SKIC2: variants seen among roughly 807,000 people sequenced by gnomAD.
The protein encoded by SKIC2 is superkiller complex protein 2.
chr6:31,968,996 C>G, the SKIC2 span: 1 of 1,612,846 alleles, frequency 6.2e-7, no homozygotes, highest in African/African-American at 1.3e-5. This position sits in a 1 kb window ranked among gnomAD's most constrained non-coding sequence, Gnocchi z 6.1. Context: ...CACTGAGCAC[C>G]CTGCGGCCTG....
chr6:31,968,043 T>C, the SKIC2 span: 16 of 1,612,828 alleles, frequency 9.9e-6, no homozygotes, highest in Non-Finnish European at 1.4e-5. The surrounding 1 kb of genome is among the most constrained non-coding windows in gnomAD (Gnocchi z 6.1). Flanking sequence ...GGGGAGAAGA[T>C]CTTGGAGGAC....
the SKIC2 span, chr6:31,959,395 A>G: frequency 6.2e-7 from 1 of 1,609,730 alleles, no homozygotes; most frequent in Non-Finnish European, 8.5e-7. Context: ...AGCTCCAGAG[A>G]GTAGCGTGAG....
the SKIC2 span, chr6:31,963,337 G>A: frequency 7.4e-7 from 1 of 1,353,966 alleles, no homozygotes; most frequent in Non-Finnish European, 1.0e-6. This position sits in a 1 kb window ranked among gnomAD's most constrained non-coding sequence, Gnocchi z 5.3. Context: ...AAAGTTGGAG[G>A]GGTAGGGAAG....
chr6:31,968,576 G>T, the SKIC2 span: 1 of 1,578,046 alleles, frequency 6.3e-7, no homozygotes. The surrounding 1 kb of genome is among the most constrained non-coding windows in gnomAD (Gnocchi z 6.1). Flanking sequence ...CTGGGAGTAG[G>T]GGCTTTTCCT....
At chr6:31,968,476 C>T in the SKIC2 span, 44 of 1,612,880 alleles carry the variant, frequency 2.7e-5, no homozygotes, top group South Asian at 5.5e-5. The surrounding 1 kb of genome is among the most constrained non-coding windows in gnomAD (Gnocchi z 6.1). Context: ...GCTCCGGGCC[C>T]GGAAGCTGGA....
the SKIC2 span, chr6:31,963,756 A>G: frequency 5.9e-5 from 90 of 1,526,838 alleles, no homozygotes; most frequent in South Asian, 8.8e-5. The surrounding 1 kb of genome is among the most constrained non-coding windows in gnomAD (Gnocchi z 5.3). Flanking sequence ...AGGGTTTTGT[A>G]CCTGCCAGCA....
chr6:31,964,045 A>G, the SKIC2 span: 1 of 1,612,660 alleles, frequency 6.2e-7, no homozygotes, highest in Non-Finnish European at 8.5e-7. The surrounding 1 kb of genome is among the most constrained non-coding windows in gnomAD (Gnocchi z 5.0). Context: ...CCTCACCACC[A>G]GTTCGGAGAA....
chr6:31,967,112 G>C, the SKIC2 span: 2 of 1,612,202 alleles, frequency 1.2e-6, no homozygotes, highest in South Asian at 2.2e-5. The surrounding 1 kb of genome is among the most constrained non-coding windows in gnomAD (Gnocchi z 4.9). Context: ...CTGGGGGGAG[G>C]AACTGACAGA....
the SKIC2 span, chr6:31,963,472 A>T: frequency 6.2e-7 from 1 of 1,611,832 alleles, no homozygotes; most frequent in Non-Finnish European, 8.5e-7. The surrounding 1 kb of genome is among the most constrained non-coding windows in gnomAD (Gnocchi z 5.3). Flanking sequence ...GTGCCCCTGG[A>T]GCACTATCTT....
chr6:31,962,192 G>A, the SKIC2 span: 1 of 973,900 alleles, frequency 1.0e-6, no homozygotes, highest in African/African-American at 1.6e-5. This position sits in a 1 kb window ranked among gnomAD's most constrained non-coding sequence, Gnocchi z 5.0. Context: ...TGAGACAAGA[G>A]CCCAGAGAGA....
the SKIC2 span, chr6:31,962,358 T>C: frequency 4.1e-6 from 6 of 1,478,888 alleles, no homozygotes; most frequent in Non-Finnish European, 5.7e-6. The surrounding 1 kb of genome is among the most constrained non-coding windows in gnomAD (Gnocchi z 5.0). Context: ...GGGGCATGCT[T>C]CCACGAGGGC....
At chr6:31,961,390 G>A in the SKIC2 span, 1 of 1,546,746 alleles carries the variant, frequency 6.5e-7, no homozygotes, top group Non-Finnish European at 8.7e-7. Flanking sequence ...GTTGAAGGTT[G>A]GTGGTTCTGT....
chr6:31,966,115 A>T, the SKIC2 span: 4 of 801,608 alleles, frequency 5.0e-6, no homozygotes, highest in South Asian at 5.5e-5. This position sits in a 1 kb window ranked among gnomAD's most constrained non-coding sequence, Gnocchi z 5.9. Flanking sequence ...TTTTTTTTGG[A>T]GACAGGGTCT....
the SKIC2 span, chr6:31,961,607 G>A: frequency 6.2e-7 from 1 of 1,612,996 alleles, no homozygotes; most frequent in Non-Finnish European, 8.5e-7. Context: ...GGAGCAGTGG[G>A]CCATCCCTGT....
chr6:31,960,385 G>A, the SKIC2 span: 1 of 1,597,018 alleles, frequency 6.3e-7, no homozygotes, highest in Non-Finnish European at 8.6e-7. Flanking sequence ...AGGGGAGGTG[G>A]TCAGAGACAA....
At chr6:31,965,496 C>T in the SKIC2 span, among the ~76,000 whole-genome samples, 2 of 152,052 alleles carry the variant, frequency 1.3e-5, no homozygotes, top group African/African-American at 2.4e-5. This position sits in a 1 kb window ranked among gnomAD's most constrained non-coding sequence, Gnocchi z 5.6. Context: ...TCTATAAGAT[C>T]ATATTTATAT....
the SKIC2 span, chr6:31,960,868 C>T: frequency 6.6e-6 from 6 of 908,246 alleles, no homozygotes; most frequent in African/African-American, 1.0e-4. Context: ...CCTTTACTGT[C>T]ATCTGCTGGG....
At chr6:31,962,098 A>G in the SKIC2 span, 2 of 1,601,400 alleles carry the variant, frequency 1.2e-6, no homozygotes, top group Middle Eastern at 1.7e-4. The surrounding 1 kb of genome is among the most constrained non-coding windows in gnomAD (Gnocchi z 5.0). Flanking sequence ...AGCCAGCCCC[A>G]TTTTCTCCTG....
chr6:31,968,488 G>T, the SKIC2 span: 1 of 1,613,032 alleles, frequency 6.2e-7, no homozygotes, highest in South Asian at 1.1e-5. The surrounding 1 kb of genome is among the most constrained non-coding windows in gnomAD (Gnocchi z 6.1). Context: ...GAAGCTGGAG[G>T]AGCTGATCCA....
Sources: gnomAD v4.1 joint callset for allele counts (sites outside exome capture counted in the v4.1 genomes callset) on GRCh38, gnomAD v4.1.1 for gene constraint, Gnocchi (gnomAD v3.1) non-coding constraint, MANE v1.5 for transcripts, NCBI Gene and HGNC (gene_info 2026-07-23, HGNC 2026-07-21) for gene names.